Variants in COPB2 observed in about 807,000 individuals in gnomAD.
The protein encoded by COPB2 is coatomer subunit beta'.
In COPB2, 16 loss-of-function variants were observed where a neutral mutation model predicts 120.8. The observed-to-expected ratio is 0.13, with a 90% CI of 0.09 to 0.20. The LOEUF is 0.20. COPB2 is among the 10% of genes least tolerant of loss of function. The probability of loss-of-function intolerance (pLI) is 1.00; values close to 1 mark genes in which losing one functional copy is unlikely to be tolerated. For missense variants in COPB2, 794 were observed against 1,076.5 expected (o/e 0.74, Z 3.67); for synonymous variants, 332 against 366.3 (o/e 0.91, Z 1.07).
rs532336535 is a variant in COPB2 at position 139,386,553 on chromosome 3, T to G, written c.3+2995A>C. 1.1e-3 allele frequency among the ~76,000 whole-genome samples: 160 copies of G among 152,264 alleles called. 1 individual carries two copies. Among genetic ancestry groups the G allele is most frequent in the African/African-American group, 3.8e-3 (158 of 41,556 alleles). On this transcript the variant is annotated intron_variant, in intron 1 of 21. Coordinates refer to ENST00000333188, the MANE Select transcript of COPB2 (RefSeq NM_004766.3). ...CACTTTCAAATCATCATCTTAACATTCCTTGCTAGTTCCCAAAATCAAGGC... is the reference window on the plus strand; with the variant it reads ...CACTTTCAAATCATCATCTTAACATGCCTTGCTAGTTCCCAAAATCAAGGC...
At chr3:139,386,693 C>T (rs1195938666) in intron 1 of COPB2, among the ~76,000 whole-genome samples, 1 of 152,056 alleles carries the variant, frequency 6.6e-6, no homozygotes, top group African/African-American at 2.4e-5. Context: ...CAGGCAGGAA[C>T]CATGGTGAGG....
chr3:139,375,078 A>C (rs1392051476), intron 6 of COPB2, among the ~76,000 whole-genome samples: 1 of 152,204 alleles, frequency 6.6e-6, no homozygotes, highest in Non-Finnish European at 1.5e-5. Flanking sequence ...AAAATCTTAG[A>C]GATAGGAAGC....
chr3:139,361,292 C>G lies in COPB2; in HGVS notation c.1999G>C (p.Glu667Gln), dbSNP rs1476633028. 1.2e-6 allele frequency: 2 copies of G among 1,612,998 alleles called. No individual in the cohort carries two copies. Among genetic ancestry groups the G allele is most frequent in the Non-Finnish European group, 1.7e-6 (2 of 1,179,410 alleles). ...AYQLAVEAES[E>Q]QKWKQLAELA... Reference sequence around the variant, plus strand: ...TCAGCAAGTTGTTTCCACTTCTGTTCTGACTGTAAGAAAAGAGTTTCCAAG... The same window carrying G: ...TCAGCAAGTTGTTTCCACTTCTGTTGTGACTGTAAGAAAAGAGTTTCCAAG... The change falls in exon 17 of 22, where the codon GAA (glutamate) becomes CAA (glutamine). Residue 667 changes from glutamate to glutamine, a missense_variant. Around this residue, in one of 3 missense-constraint regions of COPB2, gnomAD observed 610 missense variants for 866.7 expected, o/e 0.70. Transcript: ENST00000333188.
In COPB2 at chr3:139,357,516, A is replaced by G. The variant is rs1390477109; in HGVS notation, c.*347T>C. 4.9e-6 allele frequency: 1 copy of G among 203,994 alleles called. No individual in the cohort carries two copies. Among genetic ancestry groups the G allele is most frequent in the Non-Finnish European group, 9.7e-6 (1 of 102,872 alleles). 12.6% of individuals were successfully genotyped at this position (203,994 alleles called of 1,614,324 possible). A position where few individuals can be genotyped will look rare whatever the true frequency, so the allele number is the denominator to read the frequency against. ...AAGACAGTGGGGCTGATCCCTAGGC[A>G]AGGTGTAGTTTCGGCTCAGCCTTCT... On this transcript the variant is annotated 3_prime_UTR_variant, in exon 22 of 22. Transcript: ENST00000333188.
chr3:139,376,745 T>C (rs13089007), intron 5 of COPB2, among the ~76,000 whole-genome samples: 37,676 of 152,194 alleles, frequency 0.25, 6,525 homozygotes, highest in East Asian at 0.86. Flanking sequence ...TTTTAATTAA[T>C]TAATTAATTT....
intron 17 of COPB2, 140 bp from the exon 18 acceptor site, chr3:139,359,502 T>G (rs1013034807): frequency 1.4e-6 from 1 of 729,478 alleles, no homozygotes; most frequent in Admixed American, 2.8e-5. Flanking sequence ...TCACTTGTCT[T>G]TTAATGGTTG....
At chr3:139,362,672 A>G (rs2107797884) in intron 15 of COPB2, among the ~76,000 whole-genome samples, 155 bp from the exon 16 acceptor site, 1 of 152,344 alleles carries the variant, frequency 6.6e-6, no homozygotes, top group East Asian at 1.9e-4. Context: ...TAATAAGAAG[A>G]TGGAATAATT....
Position 139,388,558 on chromosome 3 carries a change from TTAAGA to T in COPB2, c.3+985_3+989del, listed in dbSNP as rs1000544578. 1.1e-4 allele frequency among the ~76,000 whole-genome samples: 16 copies of T among 152,084 alleles called. No homozygotes were observed. The East Asian group carries it at 2.1e-3, about 20-fold the overall frequency. On this transcript the variant is annotated intron_variant, in intron 1 of 21. Coordinates refer to ENST00000333188, the MANE Select transcript of COPB2 (RefSeq NM_004766.3). The stretch of plus-strand genomic sequence containing the variant: ...ACATAATTTAAAAAAATTTTTTAAC[TTAAGA>T]TGAGGGACTTAATCCCTAGCGTCTT...
Position 139,383,115 on chromosome 3 carries a change from A to G in COPB2, c.141+183T>C, listed in dbSNP as rs549529952. The G allele has an allele frequency of 1.3e-3, 858 of 680,166 alleles. 4 individuals carry two copies. The highest frequency in any genetic ancestry group is 1.9e-3 in the Non-Finnish European group (730 of 391,560). 42.1% of individuals were successfully genotyped at this position (680,166 alleles called of 1,614,324 possible). ...ATATTGTATATAACATACCCAGGAC[A>G]GTTTCTCCTACAAACTATCCCCTCA... On this transcript the variant is annotated intron_variant, in intron 2 of 21. Transcript: ENST00000333188.
At chr3:139,384,749 T>C (rs1941883570) in intron 1 of COPB2, among the ~76,000 whole-genome samples, 1 of 152,220 alleles carries the variant, frequency 6.6e-6, no homozygotes, top group Admixed American at 6.5e-5. Flanking sequence ...TGAAAATGAC[T>C]TTTTAAAAAA....
At chr3:139,370,028 T>A (rs974417040) in intron 10 of COPB2, among the ~76,000 whole-genome samples, 3 of 152,204 alleles carry the variant, frequency 2.0e-5, no homozygotes, top group African/African-American at 7.2e-5. Context: ...AAGGCACTCA[T>A]CAGTGTTTGC....
chr3:139,384,733 C>T (rs1022251009), intron 1 of COPB2, among the ~76,000 whole-genome samples: 2 of 152,192 alleles, frequency 1.3e-5, no homozygotes, highest in African/African-American at 2.4e-5. Flanking sequence ...CAATGACATT[C>T]TTAAGTGAAA....
intron 5 of COPB2, among the ~76,000 whole-genome samples, chr3:139,377,019 G>T (rs1261810581): frequency 2.6e-5 from 4 of 152,124 alleles, no homozygotes; most frequent in Non-Finnish European, 5.9e-5. Flanking sequence ...AAAGTGCTGG[G>T]ATTACAGGCG....
At position 139,373,208 on chromosome 3, in the gene COPB2, C is replaced by CT. The variant is rs1415537852; in HGVS notation, c.1094+4dup. The CT allele has an allele frequency of 4.3e-6, 7 of 1,613,686 alleles. No individual in the cohort carries two copies. Among genetic ancestry groups the CT allele is most frequent in the Non-Finnish European group, 5.1e-6 (6 of 1,179,772 alleles). ...AGCTGAGGGACAATTTTGGTGATGGCTTACCGCCCATTAGGATTGTGCTGA... is the reference window on the plus strand; with the variant it reads ...AGCTGAGGGACAATTTTGGTGATGGCTTTACCGCCCATTAGGATTGTGCTGA... On this transcript the variant is annotated splice_donor_region_variant and intron_variant, in intron 9 of 21. Coordinates refer to ENST00000333188, the MANE Select transcript of COPB2 (RefSeq NM_004766.3).
intron 4 of COPB2, among the ~76,000 whole-genome samples, chr3:139,378,723 G>A (rs775744619): frequency 9.2e-5 from 14 of 152,202 alleles, no homozygotes; most frequent in Non-Finnish European, 1.5e-4. Context: ...AGATTGAACT[G>A]AATAGGGTCT....
chr3:139,371,976 G>A (rs1941631759), intron 9 of COPB2, 143 bp from the exon 10 acceptor site: 6 of 612,286 alleles, frequency 9.8e-6, no homozygotes, highest in African/African-American at 1.9e-5. Context: ...TCTTTTAAAA[G>A]TTATACATTT....
Position 139,378,137 on chromosome 3 carries a change from T to C in COPB2, c.408A>G (p.Gln136=), listed in dbSNP as rs748203817. 5 of 1,587,904 alleles carry C rather than the reference T, an allele frequency of 3.1e-6. No homozygotes were observed. The highest frequency in any genetic ancestry group is 1.1e-5 in the South Asian group (1 of 87,932). ...WDWDKKWSCS[Q]VFEGHTHYVM... ...CATAATGGGTGTGTCCTTCAAACAC[T>C]TGTGAGCAAGACCATTTTTTATCCC... Residue 136 remains glutamine (Q), a synonymous_variant, in exon 5 of 22, where the codon CAA becomes CAG. Transcript: ENST00000333188.
chr3:139,361,206 A>T lies in COPB2; in HGVS notation c.2085T>A (p.Asp695Glu). The T allele has an allele frequency of 4.3e-6, 7 of 1,614,158 alleles. No individual in the cohort carries two copies. The highest frequency in any genetic ancestry group is 5.9e-6 in the Non-Finnish European group (7 of 1,180,026). Residue 695 changes from aspartate to glutamate, a missense_variant, in exon 17 of 22, where the codon GAT becomes GAA. Around this residue, in one of 3 missense-constraint regions of COPB2, gnomAD observed 610 missense variants for 866.7 expected, o/e 0.70. Coordinates refer to ENST00000333188, the MANE Select transcript of COPB2 (RefSeq NM_004766.3). ...TGGCCAAAAGCAGCAGGCCCCCATA[A>T]TCCTGTGCATGATGCAGGCACTCCT... ...LAQECLHHAQDYGGLLLLATA... is the reference protein window; with the variant it reads ...LAQECLHHAQEYGGLLLLATA...
At position 139,361,268 on chromosome 3, in the gene COPB2, C is replaced by T; in HGVS notation, c.2023G>A (p.Glu675Lys). The change falls in exon 17 of 22, where the codon GAA becomes AAA. Residue 675 changes from glutamate (E) to lysine (K), a missense_variant. By Grantham distance (56) the Glu-to-Lys change is moderately conservative (BLOSUM62 1). Coordinates refer to ENST00000333188, the MANE Select transcript of COPB2 (RefSeq NM_004766.3). Reference sequence around the variant, plus strand: ...AACTGACATTTACTAATGGCAAGTTCAGCAAGTTGTTTCCACTTCTGTTCT... The same window carrying T: ...AACTGACATTTACTAATGGCAAGTTTAGCAAGTTGTTTCCACTTCTGTTCT... ...ESEQKWKQLAELAISKCQFGL... is the reference protein window; with the variant it reads ...ESEQKWKQLAKLAISKCQFGL... 1 of 1,614,186 alleles carries T rather than the reference C, an allele frequency of 6.2e-7. No individual in the cohort carries two copies. The highest frequency in any genetic ancestry group is 8.5e-7 in the Non-Finnish European group (1 of 1,180,026).
Sources: gnomAD v4.1 joint callset for allele counts (sites outside exome capture counted in the v4.1 genomes callset) on GRCh38, gnomAD v4.1.1 for gene constraint, gnomAD v4.1.1 regional missense constraint, MANE v1.5 for transcripts, NCBI Gene and HGNC (gene_info 2026-07-23, HGNC 2026-07-21) for gene names.